The following UNC79 variants were observed in gnomAD, a reference collection of about 807,000 sequenced individuals.
UNC79 encodes unc-79 subunit of NALCN channel complex.
A neutral mutation model predicts 283.1 loss-of-function variants in UNC79; 37 were observed. The observed-to-expected ratio is 0.13, with a 90% CI of 0.10 to 0.17. UNC79 has a LOEUF of 0.17. Among genes scored for constraint, UNC79 ranks in the 10% least tolerant of loss-of-function variants. The pLI is 1.00. For missense variants in UNC79, 2,272 were observed against 3,211.1 expected, an observed-to-expected ratio of 0.71 and a Z score of 7.07; for synonymous variants, 1,107 against 1,200.2, an observed-to-expected ratio of 0.92 and a Z score of 1.61.
At chr14:93,497,369 A>G (rs2059059109) in intron 7 of UNC79, 83 bp downstream of exon 7, 2 of 1,447,290 alleles carry the variant, frequency 1.4e-6, no homozygotes, top group Admixed American at 5.0e-5. Flanking sequence ...ATACATTTTT[A>G]TCTTGCTGGA....
intron 1 of UNC79, among the ~76,000 whole-genome samples, chr14:93,369,454 A>G (rs1162366020): frequency 2.0e-5 from 3 of 152,252 alleles, no homozygotes; most frequent in African/African-American, 4.8e-5. Flanking sequence ...TAGATTCATA[A>G]GAGAAGTAAG....
intron 32 of UNC79, among the ~76,000 whole-genome samples, chr14:93,637,525 C>G (rs904465242): frequency 6.6e-6 from 1 of 152,158 alleles, no homozygotes; most frequent in African/African-American, 2.4e-5. Flanking sequence ...CAAAACAAGT[C>G]TAGTCTTCTC....
At chr14:93,585,374 CT>C (rs1056748688) in intron 20 of UNC79, among the ~76,000 whole-genome samples, 4 of 152,212 alleles carry the variant, frequency 2.6e-5, no homozygotes, top group Non-Finnish European at 5.9e-5. Context: ...TGTTCAGAGA[CT>C]TCCCCTCCCT....
intron 1 of UNC79, among the ~76,000 whole-genome samples, chr14:93,457,987 G>GA (rs927034685): frequency 6.6e-6 from 1 of 152,028 alleles, no homozygotes; most frequent in Non-Finnish European, 1.5e-5. Flanking sequence ...CCAATCAAGA[G>GA]AAAAAAATAA....
chr14:93,654,003 C>T, exon 37 of UNC79: 2 of 1,614,132 alleles, frequency 1.2e-6, no homozygotes, highest in Non-Finnish European at 1.7e-6. Flanking sequence ...AGCTCCATCG[C>T]AGCTCTCAGT....
chr14:93,393,204 T>C (rs2054919738), intron 1 of UNC79, among the ~76,000 whole-genome samples: 1 of 152,184 alleles, frequency 6.6e-6, no homozygotes, highest in African/African-American at 2.4e-5. Context: ...CAATACTCTA[T>C]TCTCTAATTG....
At chr14:93,633,909 C>T (rs1341149714) in intron 31 of UNC79, among the ~76,000 whole-genome samples, 2 of 152,094 alleles carry the variant, frequency 1.3e-5, no homozygotes, top group African/African-American at 2.4e-5. Flanking sequence ...GGCAGAGGCT[C>T]GCACAGAGAT....
intron 1 of UNC79, among the ~76,000 whole-genome samples, chr14:93,458,333 A>G (rs1031173483): frequency 2.0e-5 from 3 of 152,232 alleles, no homozygotes; most frequent in African/African-American, 7.2e-5. Context: ...CAAACAAATA[A>G]GAACTCCTGA....
At chr14:93,399,347 T>A (rs951758940) in intron 1 of UNC79, among the ~76,000 whole-genome samples, 7 of 152,120 alleles carry the variant, frequency 4.6e-5, no homozygotes, top group Admixed American at 1.3e-4. Flanking sequence ...TGAAATATAA[T>A]TTGGGAATAA....
At chr14:93,561,273 T>C (rs1179940816) in intron 14 of UNC79, among the ~76,000 whole-genome samples, 1 of 152,136 alleles carries the variant, frequency 6.6e-6, no homozygotes, top group South Asian at 2.1e-4. Context: ...AAAGTAGTTT[T>C]TGTTGTGAGG....
intron 24 of UNC79, among the ~76,000 whole-genome samples, chr14:93,599,879 G>T (rs1356689225): frequency 6.6e-6 from 1 of 152,190 alleles, no homozygotes; most frequent in Non-Finnish European, 1.5e-5. Flanking sequence ...AACTTTGAAA[G>T]TACGCTTCTC....
At chr14:93,578,609 T>C (rs958951867) in intron 18 of UNC79, among the ~76,000 whole-genome samples, 9 of 152,216 alleles carry the variant, frequency 5.9e-5, no homozygotes, top group Non-Finnish European at 1.2e-4. Flanking sequence ...TCTGCATGTG[T>C]ATGCGTTAAT....
chr14:93,499,452 C>T (rs1303659891), intron 7 of UNC79, among the ~76,000 whole-genome samples: 1 of 152,096 alleles, frequency 6.6e-6, no homozygotes, highest in Non-Finnish European at 1.5e-5. Context: ...CTACTCTGTG[C>T]CAGACACTGT....
chr14:93,496,324 T>C (rs999523937), intron 5 of UNC79, 87 bp from the exon 6 acceptor site: 14 of 834,662 alleles, frequency 1.7e-5, no homozygotes, highest in East Asian at 1.6e-4. Context: ...AAAAGTCATA[T>C]TGAAGTAATT....
intron 1 of UNC79, among the ~76,000 whole-genome samples, chr14:93,360,324 C>T (rs2054193364): frequency 6.6e-6 from 1 of 152,138 alleles, no homozygotes; most frequent in Non-Finnish European, 1.5e-5. Flanking sequence ...ATTAGTGCCA[C>T]CATCAAGGAT....
At position 93,460,767 on chromosome 14, in the gene UNC79, T is replaced by C. The variant is rs1438809857; in HGVS notation, c.23-6904T>C. 2.6e-5 allele frequency among the ~76,000 whole-genome samples: 4 copies of C among 152,076 alleles called. No individual in the cohort carries two copies. The East Asian group carries it at 7.7e-4, about 29-fold the overall frequency. On this transcript the variant is annotated intron_variant, in intron 1 of 48. Coordinates refer to ENST00000555664, the Ensembl canonical transcript of UNC79. ...CTGGTCACACGTGGCACCTCACTCCTGTAATCCTAGCACTTGGGAGGCCGA... is the reference window on the plus strand; with the variant it reads ...CTGGTCACACGTGGCACCTCACTCCCGTAATCCTAGCACTTGGGAGGCCGA...
At chr14:93,638,109 G>A (rs191778962) in intron 32 of UNC79, among the ~76,000 whole-genome samples, 7 of 152,252 alleles carry the variant, frequency 4.6e-5, no homozygotes, top group East Asian at 3.9e-4. Flanking sequence ...AATTGAGAAG[G>A]CAGATTAACC....
intron 14 of UNC79, among the ~76,000 whole-genome samples, chr14:93,553,741 T>TA (rs912478103): frequency 6.6e-6 from 1 of 152,158 alleles, no homozygotes; most frequent in Non-Finnish European, 1.5e-5. Context: ...GACTATAATC[T>TA]AAAAAAAGCT....
intron 5 of UNC79, among the ~76,000 whole-genome samples, chr14:93,491,878 A>G (rs941174181): frequency 2.0e-5 from 3 of 152,232 alleles, no homozygotes; most frequent in African/African-American, 7.2e-5. Context: ...TAGGAATCAT[A>G]GTTGGGACCC....
Sources: allele counts gnomAD v4.1 joint callset (sites outside exome capture counted in the v4.1 genomes callset), GRCh38; gene constraint gnomAD v4.1.1; transcripts MANE v1.5; gene names NCBI Gene and HGNC (gene_info 2026-07-23, HGNC 2026-07-21).